Variants in BAIAP2 observed in about 807,000 individuals in gnomAD.
The protein encoded by BAIAP2 is BAR/IMD domain-containing adapter protein 2.
BAIAP2 carries 18 observed loss-of-function variants against 63.0 expected under a neutral mutation model. The observed-to-expected ratio is 0.29, with a 90% CI of 0.20 to 0.42. The LOEUF is 0.42. Ranked by LOEUF, BAIAP2 falls within the 10% of genes least tolerant of loss-of-function variation. The pLI is 1.00. For synonymous variants in BAIAP2, 386 were observed against 307.6 expected, an observed-to-expected ratio of 1.25 and a Z score of -2.67; for missense variants, 610 against 734.3, an observed-to-expected ratio of 0.83 and a Z score of 1.96.
intron 4 of BAIAP2, 88 bp from the exon 5 acceptor site, chr17:81,085,566 G>A (rs1216065923): frequency 1.4e-5 from 15 of 1,109,658 alleles, no homozygotes; most frequent in Non-Finnish European, 1.8e-5. Flanking sequence ...CCGGTGTCTC[G>A]TGCCCATCCG....
chr17:81,055,408 C>T (rs2049309830), intron 2 of BAIAP2, among the ~76,000 whole-genome samples: 1 of 152,010 alleles, frequency 6.6e-6, no homozygotes, highest in Admixed American at 6.6e-5. Context: ...CTGTTTGCAC[C>T]CGGCACCCTG....
Position 81,106,750 on chromosome 17 carries a change from A to G in BAIAP2, c.1343A>G (p.Gln448Arg), listed in dbSNP as rs1255719699. 3 of 1,612,616 alleles carry G rather than the reference A, an allele frequency of 1.9e-6. No individual in the cohort carries two copies. The highest frequency in any genetic ancestry group is 2.5e-6 in the Non-Finnish European group (3 of 1,179,782). ...CTGAGTCCCTGTCCCTACAGCCTGC[A>G]GCAAGGGAAGAGCAGCAGCACGGGC... ...DGSDRLHMSL[Q>R]QGKSSSTGNL... Residue 448 changes from glutamine to arginine, a missense_variant, in exon 12 of 14, where the codon CAG becomes CGG. By Grantham distance (43) the Gln-to-Arg change is conservative. This residue lies in a region of BAIAP2 where 29 missense variants were observed against 23.2 expected (regional missense o/e 1.25). Transcript: ENST00000428708.
Position 81,116,436 on chromosome 17 carries a change from TCCCCAGGCCCCTCCTGCCTCGGGCAGG to T in BAIAP2, c.*604_*630del. On this transcript the variant is annotated 3_prime_UTR_variant, in exon 14 of 14. Coordinates refer to ENST00000428708, the MANE Select transcript of BAIAP2 (RefSeq NM_001144888.2). ...TCCCACTGGCAATGTCACAAGGGCC[TCCCCAGGCCCCTCCTGCCTCGGGCAGG>T]CCCCAGCCCTCCTCCTTACCCAACC... 8.2e-7 allele frequency: 1 copy of T among 1,225,596 alleles called. No homozygotes were observed. The highest frequency in any genetic ancestry group is 1.1e-6 in the Non-Finnish European group (1 of 885,990). 75.9% of individuals were successfully genotyped at this position (1,225,596 alleles called of 1,614,324 possible). A position where few individuals can be genotyped will look rare whatever the true frequency, so the allele number is the denominator to read the frequency against.
In BAIAP2 at chr17:81,046,355, C is replaced by T. The variant is rs1454002127; in HGVS notation, c.55-7313C>T. ...TTCAAGATCTGCCTCCTCCAGGCAG[C>T]CCTCCCAGCTGTGCTCCTGGAGTTG... On this transcript the variant is annotated intron_variant, in intron 1 of 13. Transcript: ENST00000428708. This position sits in a 1 kb window ranked among gnomAD's most constrained non-coding sequence, Gnocchi z 4.5. Among the ~76,000 whole-genome samples, 1 of 152,178 alleles carries T rather than the reference C, an allele frequency of 6.6e-6. No individual in the cohort carries two copies. The highest frequency in any genetic ancestry group is 1.9e-4 in the East Asian group (1 of 5,184).
intron 1 of BAIAP2, among the ~76,000 whole-genome samples, chr17:81,043,282 T>G (rs1370520461): frequency 6.6e-6 from 1 of 152,216 alleles, no homozygotes; most frequent in South Asian, 2.1e-4. Flanking sequence ...CGTGGCCGAC[T>G]ATGTCTGCCA....
At position 81,105,130 on chromosome 17, in the gene BAIAP2, T is replaced by C. The variant is rs550254928; in HGVS notation, c.1268+415T>C. 2.9e-3 allele frequency: 472 copies of C among 162,748 alleles called. 4 individuals are homozygous for C. Among genetic ancestry groups the C allele is most frequent in the African/African-American group, 7.8e-3 (298 of 38,338 alleles). The allele number at this position is 162,748 out of a possible 1,614,324, so 10.1% of individuals were successfully genotyped here. A position where few individuals can be genotyped will look rare whatever the true frequency, so the allele number is the denominator to read the frequency against. ...CCCCCAGTGGCAGGGGTCTGCCCCATGGCAGGGGTCTTTCCCCACGGCAGG... is the reference window on the plus strand; with the variant it reads ...CCCCCAGTGGCAGGGGTCTGCCCCACGGCAGGGGTCTTTCCCCACGGCAGG... On this transcript the variant is annotated intron_variant, in intron 10 of 13. Transcript: ENST00000428708.
At chr17:81,048,508 G>A (rs1398392403) in intron 1 of BAIAP2, among the ~76,000 whole-genome samples, 1 of 152,206 alleles carries the variant, frequency 6.6e-6, no homozygotes, top group African/African-American at 2.4e-5. Flanking sequence ...AAGTTGGGAG[G>A]AGGTGGAGAT....
chr17:81,043,676 A>AGCCTCGTTACTGTT (rs1277846374), intron 1 of BAIAP2, among the ~76,000 whole-genome samples: 49 of 152,200 alleles, frequency 3.2e-4, no homozygotes, highest in African/African-American at 1.2e-3. Context: ...CTCTGTGCTC[A>AGCCTCGTTACTGTT]GCCTCGTTAC....
intron 3 of BAIAP2, among the ~76,000 whole-genome samples, chr17:81,072,741 C>T (rs1033319112): frequency 3.9e-5 from 6 of 152,068 alleles, no homozygotes; most frequent in African/African-American, 1.4e-4. Context: ...TTCATTTTTC[C>T]TGACCTCTTC....
At chr17:81,072,996 C>A (rs890527218) in intron 3 of BAIAP2, among the ~76,000 whole-genome samples, 1 of 152,126 alleles carries the variant, frequency 6.6e-6, no homozygotes, top group African/African-American at 2.4e-5. Flanking sequence ...AGCCCCTTCC[C>A]ACAGCCCTGG....
At chr17:81,098,209 C>G in intron 6 of BAIAP2, 1 of 1,395,966 alleles carries the variant, frequency 7.2e-7, no homozygotes, top group Non-Finnish European at 9.4e-7. Flanking sequence ...AGTCATACAA[C>G]AAGCCCTGCA....
At chr17:81,057,132 G>A (rs1013418593) in intron 2 of BAIAP2, among the ~76,000 whole-genome samples, 1 of 152,174 alleles carries the variant, frequency 6.6e-6, no homozygotes, top group Non-Finnish European at 1.5e-5. Flanking sequence ...ACTGCTCTCC[G>A]GGGCCCTGCC....
rs1051921491 is a variant in BAIAP2 at position 81,044,436 on chromosome 17, A to G, written c.54+9128A>G. 7.2e-5 allele frequency among the ~76,000 whole-genome samples: 11 copies of G among 152,200 alleles called. 1 individual carries two copies. The highest frequency in any genetic ancestry group is 7.2e-4 in the Admixed American group (11 of 15,282). On this transcript the variant is annotated intron_variant, in intron 1 of 13. Coordinates refer to ENST00000428708, the MANE Select transcript of BAIAP2 (RefSeq NM_001144888.2). Reference sequence around the variant, plus strand: ...GTGGCACCTGGCTCGTCCCTATGTTATCTGTGCCCTCTTTCTTGTAAGGCG... The same window carrying G: ...GTGGCACCTGGCTCGTCCCTATGTTGTCTGTGCCCTCTTTCTTGTAAGGCG...
At chr17:81,096,956 G>A (rs2145705618) in intron 6 of BAIAP2, among the ~76,000 whole-genome samples, 1 of 151,932 alleles carries the variant, frequency 6.6e-6, no homozygotes, top group South Asian at 2.1e-4. Context: ...AGAAAGTAGA[G>A]GAGGAGAAGA....
In BAIAP2 at chr17:81,035,190, ACCGCCGCTGCTG is replaced by A. The variant is rs2046034979; in HGVS notation, c.-56_-45del. ...CTTTCGTCTCCGTCCTGCTGCCGTT[ACCGCCGCTGCTG>A]CCGCCGCTTGCGTCCCCCGCTCCGG... On this transcript the variant is annotated 5_prime_UTR_variant, in exon 1 of 14. Transcript: ENST00000428708. The A allele has an allele frequency of 5.2e-6, 7 of 1,343,432 alleles. No homozygotes were observed. The highest frequency in any genetic ancestry group is 4.6e-5 in the African/African-American group (3 of 64,928). The allele number at this position is 1,343,432 out of a possible 1,614,324, so 83.2% of individuals were successfully genotyped here.
intron 1 of BAIAP2, among the ~76,000 whole-genome samples, chr17:81,050,760 C>G (rs548629104): frequency 2.7e-5 from 4 of 150,434 alleles, no homozygotes; most frequent in Admixed American, 2.6e-4. Context: ...CACATGCACA[C>G]ATGCATGTGT....
At chr17:81,089,381 G>T (rs1175310697) in intron 6 of BAIAP2, among the ~76,000 whole-genome samples, 2 of 152,234 alleles carry the variant, frequency 1.3e-5, no homozygotes, top group Non-Finnish European at 2.9e-5. Context: ...GCGGTGACTC[G>T]AGGGGCCTTG....
At chr17:81,052,964 T>C (rs947896247) in intron 1 of BAIAP2, among the ~76,000 whole-genome samples, 2 of 152,214 alleles carry the variant, frequency 1.3e-5, no homozygotes, top group Non-Finnish European at 2.9e-5. Context: ...AGGGGCTGGC[T>C]GTTGACAGTC....
intron 13 of BAIAP2, among the ~76,000 whole-genome samples, chr17:81,114,684 C>A (rs1358114474): frequency 2.0e-5 from 3 of 152,230 alleles, no homozygotes; most frequent in Admixed American, 2.0e-4. Context: ...AACACAAAGT[C>A]CTCAGGAAAG....
Sources: allele counts gnomAD v4.1 joint callset (sites outside exome capture counted in the v4.1 genomes callset), GRCh38; gene constraint gnomAD v4.1.1; regional missense constraint gnomAD v4.1.1; non-coding constraint Gnocchi (gnomAD v3.1); transcripts MANE v1.5; gene names NCBI Gene and HGNC (gene_info 2026-07-23, HGNC 2026-07-21).